The following FAT2 variants were observed in gnomAD, a reference collection of about 807,000 sequenced individuals.
FAT2 encodes the protein FAT atypical cadherin 2.
Under a neutral mutation model 295.3 loss-of-function variants are expected in FAT2, and 150 were observed. The ratio of observed to expected loss-of-function variants is 0.51; its 90% CI spans 0.44 to 0.58. The LOEUF is 0.58. Ranked by LOEUF, FAT2 falls within the 20% of genes least tolerant of loss-of-function variation. The probability of loss-of-function intolerance (pLI) is 0.00; values close to 1 mark genes in which losing one functional copy is unlikely to be tolerated. For missense variants in FAT2, 4,868 were observed against 5,442.7 expected, an observed-to-expected ratio of 0.89 and a Z score of 3.32; for synonymous variants, 2,026 against 2,150.3, an observed-to-expected ratio of 0.94 and a Z score of 1.60.
At chr5:151,587,456 G>A (rs533238168) in intron 1 of FAT2, among the ~76,000 whole-genome samples, 4 of 152,212 alleles carry the variant, frequency 2.6e-5, no homozygotes, top group Non-Finnish European at 5.9e-5. Context: ...TAACTGCGGG[G>A]CCTTTGCATG....
rs964169700 is a variant in FAT2, at chr5:151,534,417, G to A, written c.9419C>T (p.Pro3140Leu). ...ATCCTTCTCAGACTCACCTTGGTCG[G>A]GATCCCGGGCAAATACTACAGCCAC... ...TPVAVVFARD[P>L]DQGANAQVVY... Residue 3140 changes from proline to leucine, a missense_variant, in exon 13 of 24, where the codon CCC becomes CTC. This residue lies in a region of FAT2 where 1,046 missense variants were observed against 1,210.1 expected (regional missense o/e 0.86). Coordinates refer to ENST00000261800, the MANE Select transcript of FAT2 (RefSeq NM_001447.3). 2 of 1,606,268 alleles carry A rather than the reference G, an allele frequency of 1.2e-6. No homozygotes were observed. The highest frequency in any genetic ancestry group is 2.7e-5 in the African/African-American group (2 of 74,884).
chr5:151,527,486 T>C, intron 16 of FAT2, 109 bp from the exon 17 acceptor site: 1 of 1,121,884 alleles, frequency 8.9e-7, no homozygotes, highest in Non-Finnish European at 1.2e-6. Context: ...GACACTTTCC[T>C]ATGCCCACCC....
intron 14 of FAT2, among the ~76,000 whole-genome samples, chr5:151,530,251 GAA>G (rs35386457): frequency 3.3e-4 from 42 of 128,746 alleles, no homozygotes; most frequent in Middle Eastern, 4.0e-3. Context: ...CTTAACACCA[GAA>G]AAAAAAAAAA....
At chr5:151,573,923 A>C (rs1266200388) in intron 1 of FAT2, among the ~76,000 whole-genome samples, 1 of 152,200 alleles carries the variant, frequency 6.6e-6, no homozygotes, top group Non-Finnish European at 1.5e-5. Context: ...GAATCCAAGC[A>C]GAATCTGGGT....
chr5:151,505,496 A>C lies in FAT2; in HGVS notation c.*69T>G. Reference sequence around the variant, plus strand: ...CCCAGCCACACTCAACTCACCCCCTACGAGACAGGAAGAAATAAGCCAAGT... The same window carrying C: ...CCCAGCCACACTCAACTCACCCCCTCCGAGACAGGAAGAAATAAGCCAAGT... On this transcript the variant is annotated 3_prime_UTR_variant, in exon 24 of 24. Coordinates refer to ENST00000261800, the MANE Select transcript of FAT2 (RefSeq NM_001447.3). 1 of 1,588,264 alleles carries C rather than the reference A, an allele frequency of 6.3e-7. No homozygotes were observed. The highest frequency in any genetic ancestry group is 8.6e-7 in the Non-Finnish European group (1 of 1,164,484).
At chr5:151,509,885 T>TAACA (rs1272332328) in intron 22 of FAT2, 136 bp downstream of exon 22, 2 of 1,033,520 alleles carry the variant, frequency 1.9e-6, no homozygotes, top group African/African-American at 3.2e-5. Context: ...ACCACTGCCC[T>TAACA]AACAGATGGA....
chr5:151,566,545 C>T lies in FAT2; in HGVS notation c.2387G>A (p.Gly796Asp). ...CTTCCAGGAGGACTTCTGGGGTGTG[C>T]CCAGGTCATATACTGTTACATTGAG... Reference protein sequence around the residue: ...YILNVTVYDLGTPQKSSWKLL... With the variant: ...YILNVTVYDLDTPQKSSWKLL... Residue 796 changes from glycine (G) to aspartate (D), a missense_variant, in exon 2 of 24, where the codon GGC becomes GAC. Physicochemically the swap from Gly to Asp is moderately conservative, Grantham distance 94. This residue lies in a region of FAT2 where 3,297 missense variants were observed against 3,669.4 expected (regional missense o/e 0.90). Transcript: ENST00000261800. The T allele has an allele frequency of 6.2e-7, 1 of 1,614,042 alleles. No individual in the cohort carries two copies. The highest frequency in any genetic ancestry group is 8.5e-7 in the Non-Finnish European group (1 of 1,179,992).
At chr5:151,555,849 T>C (rs1467320758) in intron 4 of FAT2, among the ~76,000 whole-genome samples, 2 of 152,200 alleles carry the variant, frequency 1.3e-5, no homozygotes, top group African/African-American at 4.8e-5. Context: ...CCTGATCTGC[T>C]TCTCTTCTGA....
chr5:151,523,807 GAAAT>G (rs1753727027), intron 18 of FAT2, among the ~76,000 whole-genome samples: 3 of 152,052 alleles, frequency 2.0e-5, no homozygotes, highest in Non-Finnish European at 4.4e-5. Flanking sequence ...AAACAACTGG[GAAAT>G]AATGTGCAAA....
rs532134916 is a variant in FAT2 at position 151,591,268 on chromosome 5, C to T, written c.-124G>A. On this transcript the variant is annotated 5_prime_UTR_variant, in exon 1 of 24. Transcript: ENST00000261800. Reference sequence around the variant, plus strand: ...GGCTCCTGAGGGAGGTGCAGAGACTCGGAGCAGGAAGGCGCGCAGCCCGCA... The same window carrying T: ...GGCTCCTGAGGGAGGTGCAGAGACTTGGAGCAGGAAGGCGCGCAGCCCGCA... Among the ~76,000 whole-genome samples, 231 of 152,226 alleles carry T rather than the reference C, an allele frequency of 1.5e-3. 2 individuals are homozygous for T. Among genetic ancestry groups the T allele is most frequent in the African/African-American group, 4.9e-3 (204 of 41,506 alleles).
Position 151,554,457 on chromosome 5 carries a change from C to G in FAT2, c.3850G>C (p.Glu1284Gln), listed in dbSNP as rs561203093. The change falls in exon 5 of 24, where the codon GAG becomes CAG. Residue 1284 changes from glutamate to glutamine, a missense_variant. Glu to Gln is a conservative substitution (Grantham distance 29). Around this residue, in one of 5 missense-constraint regions of FAT2, gnomAD observed 3,297 missense variants for 3,669.4 expected, o/e 0.90. Transcript: ENST00000261800. ...CTGAAGGCCTCCTCATCGCTGTCCT[C>G]GATACTGTAGGTGACTCTGCCATTA... ...GLNGRVTYSI[E>Q]DSDEEAFSID... 1 of 1,614,070 alleles carries G rather than the reference C, an allele frequency of 6.2e-7. No homozygotes were observed. Among genetic ancestry groups the G allele is most frequent in the African/African-American group, 1.3e-5 (1 of 74,918 alleles).
chr5:151,516,046 T>G (rs1391432173), intron 20 of FAT2, among the ~76,000 whole-genome samples: 1 of 152,190 alleles, frequency 6.6e-6, no homozygotes, highest in Non-Finnish European at 1.5e-5. Context: ...AACCCATTGC[T>G]TAAACATGCT....
chr5:151,506,129 A>T, intron 23 of FAT2, 32 bp from the exon 24 acceptor site: 2 of 1,489,932 alleles, frequency 1.3e-6, no homozygotes, highest in Non-Finnish European at 1.8e-6. Flanking sequence ...GGGTGAGCTC[A>T]TTTTCTCCCC....
intron 11 of FAT2, among the ~76,000 whole-genome samples, chr5:151,539,554 A>G (rs1378292152): frequency 6.6e-6 from 1 of 152,198 alleles, no homozygotes; most frequent in Non-Finnish European, 1.5e-5. Context: ...CTTTGTGTAT[A>G]TGTGTGGGTA....
intron 12 of FAT2, among the ~76,000 whole-genome samples, chr5:151,537,220 A>AG (rs1554127668): frequency 6.6e-6 from 1 of 150,894 alleles, no homozygotes; most frequent in South Asian, 2.1e-4. Flanking sequence ...AGGAAGAAGA[A>AG]GAGGAGGAGG....
At chr5:151,593,704 GTAA>G (rs987060386), upstream of FAT2, among the ~76,000 whole-genome samples, 2 of 152,000 alleles carry the variant, frequency 1.3e-5, no homozygotes, top group South Asian at 2.1e-4. Context: ...TGACCAAGAA[GTAA>G]TAATAATAAT....
rs752588731 is a variant in FAT2 at position 151,505,778 on chromosome 5, C to T, written c.12837G>A (p.Ser4279=). The stretch of plus-strand genomic sequence containing the variant: ...GCCCTCCCCCTCCCTGCCGGAACTG[C>T]GAGTGGTAGTAGCTGATGGCCGTGT... The part of the protein sequence containing the change: ...NEYTAISYYH[S]QFRQGGGGPC... The change falls in exon 24 of 24, where the codon TCG becomes TCA. Residue 4279 remains serine (S), a synonymous_variant. Transcript: ENST00000261800. The T allele has an allele frequency of 2.7e-5, 44 of 1,613,954 alleles. No homozygotes were observed. The highest frequency in any genetic ancestry group is 4.5e-5 in the East Asian group (2 of 44,866).
At chr5:151,579,557 G>A (rs1758866160) in intron 1 of FAT2, among the ~76,000 whole-genome samples, 1 of 152,124 alleles carries the variant, frequency 6.6e-6, no homozygotes, top group South Asian at 2.1e-4. Flanking sequence ...GGGTTACAGA[G>A]CAAGACCCTA....
At chr5:151,529,608 G>A (rs1291660504) in intron 14 of FAT2, among the ~76,000 whole-genome samples, 1 of 152,032 alleles carries the variant, frequency 6.6e-6, no homozygotes, top group African/African-American at 2.4e-5. Context: ...CAACAGCTAT[G>A]TTTCCCTCAC....
Sources: gnomAD v4.1 joint callset for allele counts (sites outside exome capture counted in the v4.1 genomes callset) on GRCh38, gnomAD v4.1.1 for gene constraint, gnomAD v4.1.1 regional missense constraint, MANE v1.5 for transcripts, NCBI Gene and HGNC (gene_info 2026-07-23, HGNC 2026-07-21) for gene names.